Variants in PBLD observed in about 807,000 individuals in gnomAD.
PBLD encodes the protein phenazine biosynthesis like protein domain containing, also known as phenazine biosynthesis-like domain-containing protein.
PBLD carries 26 observed loss-of-function variants against 31.3 expected under a neutral mutation model. The observed-to-expected ratio is 0.83, with a 90% CI of 0.61 to 1.15. The LOEUF (loss-of-function observed/expected upper bound fraction) is 1.15, where lower values mean the gene tolerates loss of function less well. PBLD is among the 50% of genes most tolerant of loss of function. PBLD has a pLI of 0.00. For synonymous variants in PBLD, 114 were observed against 129.0 expected (o/e 0.88, Z 0.79); for missense variants, 307 against 351.7 (o/e 0.87, Z 1.02).
intron 8 of PBLD, chr10:68,288,021 C>T (rs1258120553): frequency 6.5e-6 from 1 of 153,454 alleles, no homozygotes; most frequent in Non-Finnish European, 1.5e-5. Flanking sequence ...CATGCCACTC[C>T]GTTCTAGCCT....
intron 8 of PBLD, among the ~76,000 whole-genome samples, chr10:68,286,651 C>G (rs2044292223): frequency 6.6e-6 from 1 of 152,116 alleles, no homozygotes; most frequent in South Asian, 2.1e-4. Context: ...AAGGCAAACT[C>G]TTCCACCAAG....
Position 68,288,614 on chromosome 10 carries a change from A to C in PBLD, c.560T>G (p.Val187Gly), listed in dbSNP as rs1457230772. The change falls in exon 8 of 10, where the codon GTT becomes GGT. Residue 187 changes from valine (V) to glycine (G), a missense_variant. Val to Gly is a moderately radical substitution (Grantham distance 109, BLOSUM62 -3). Transcript: ENST00000358769. ...CCCTTTCACCTTCCCTGTGTTTTCA[A>C]CTTGCAGCAGATTCTCCGTGTTCAC... ...LKVNTENLLQ[V>G]ENTGKVKGLI... 6.2e-7 allele frequency: 1 copy of C among 1,614,140 alleles called. No homozygotes were observed. Among genetic ancestry groups the C allele is most frequent in the Non-Finnish European group, 8.5e-7 (1 of 1,180,030 alleles).
At chr10:68,320,700 T>G (rs374062201) in intron 1 of PBLD, among the ~76,000 whole-genome samples, 2 of 152,082 alleles carry the variant, frequency 1.3e-5, no homozygotes, top group East Asian at 1.9e-4. Context: ...TTTTTTTTAA[T>G]GGAGATGGGG....
chr10:68,285,781 C>T (rs1345370128), intron 8 of PBLD, among the ~76,000 whole-genome samples: 1 of 151,990 alleles, frequency 6.6e-6, no homozygotes, highest in Non-Finnish European at 1.5e-5. Flanking sequence ...CGTTCTCAAG[C>T]CATCCTCCTA....
intron 2 of PBLD, among the ~76,000 whole-genome samples, chr10:68,305,807 C>T (rs980996301): frequency 4.6e-5 from 7 of 152,052 alleles, no homozygotes; most frequent in Admixed American, 2.0e-4. Context: ...CCCAGAGAGC[C>T]TGTTGTAATT....
intron 1 of PBLD, among the ~76,000 whole-genome samples, chr10:68,319,053 G>GAGAAAGAAAGAAAGAAAGAAAGAA (rs60229423): frequency 2.0e-4 from 20 of 98,892 alleles, no homozygotes; most frequent in East Asian, 3.6e-4. Flanking sequence ...AAGAAAGAGA[G>GAGAAAGAAAGAAAGAAAGAAAGAA]AGAAAGAAAG....
chr10:68,314,484 T>G (rs765874652), intron 1 of PBLD, among the ~76,000 whole-genome samples: 2 of 152,202 alleles, frequency 1.3e-5, no homozygotes, highest in African/African-American at 2.4e-5. Context: ...AATCACCTGA[T>G]AGCTACTAGA....
intron 4 of PBLD, 72 bp downstream of exon 4, chr10:68,296,194 A>G (rs1472935245): frequency 8.9e-7 from 1 of 1,128,808 alleles, no homozygotes; most frequent in Non-Finnish European, 1.3e-6. Flanking sequence ...CATCAGAAAA[A>G]GTGTGTGTGA....
At chr10:68,328,064 G>A (rs2044951782) in intron 1 of PBLD, among the ~76,000 whole-genome samples, 2 of 152,178 alleles carry the variant, frequency 1.3e-5, no homozygotes, top group Non-Finnish European at 2.9e-5. Flanking sequence ...GTGTAATTCA[G>A]TCTTGTCTTG....
intron 4 of PBLD, among the ~76,000 whole-genome samples, chr10:68,292,939 C>T (rs371783434): frequency 6.6e-6 from 1 of 151,954 alleles, no homozygotes; most frequent in African/African-American, 2.4e-5. Context: ...TGGCTCACTG[C>T]AGCCTTGACC....
At chr10:68,313,624 T>C (rs1360635938) in intron 1 of PBLD, among the ~76,000 whole-genome samples, 1 of 152,222 alleles carries the variant, frequency 6.6e-6, no homozygotes, top group African/African-American at 2.4e-5. Flanking sequence ...GATTCTCATA[T>C]TATCATCATG....
intron 2 of PBLD, among the ~76,000 whole-genome samples, chr10:68,299,097 A>G (rs1260406137): frequency 1.1e-5 from 1 of 87,276 alleles, no homozygotes; most frequent in Non-Finnish European, 2.1e-5. Context: ...ACAGAGTGAG[A>G]GTCCGTCTCA....
chr10:68,289,486 C>T (rs1335487173), intron 6 of PBLD, among the ~76,000 whole-genome samples: 2 of 152,022 alleles, frequency 1.3e-5, no homozygotes, highest in African/African-American at 4.8e-5. Context: ...CCAAGAATCA[C>T]TTGGCCGAGA....
chr10:68,299,970 G>C (rs1306440077), intron 2 of PBLD, among the ~76,000 whole-genome samples: 4 of 151,948 alleles, frequency 2.6e-5, no homozygotes, highest in Non-Finnish European at 5.9e-5. Context: ...AGCTCACTGC[G>C]ATCTATGCCT....
intron 1 of PBLD, among the ~76,000 whole-genome samples, chr10:68,318,375 T>TAAA (rs34722771): frequency 0.078 from 3,989 of 51,232 alleles, 533 homozygotes; most frequent in South Asian, 0.26. Context: ...CTGCCTCTAT[T>TAAA]AAAAAAAAAA....
intron 2 of PBLD, among the ~76,000 whole-genome samples, chr10:68,305,875 G>C (rs1270818168): frequency 6.6e-6 from 1 of 152,172 alleles, no homozygotes; most frequent in African/African-American, 2.4e-5. Context: ...TAGCCAGGTT[G>C]AGATTCACTG....
chr10:68,318,355 C>T (rs181235588), intron 1 of PBLD, among the ~76,000 whole-genome samples: 2 of 126,170 alleles, frequency 1.6e-5, no homozygotes, highest in East Asian at 4.7e-4. Flanking sequence ...CTGGGTAACA[C>T]AGCAAGACCC....
At chr10:68,311,463 G>A (rs1307072855) in intron 1 of PBLD, among the ~76,000 whole-genome samples, 1 of 152,140 alleles carries the variant, frequency 6.6e-6, no homozygotes, top group Admixed American at 6.5e-5. Context: ...GCGGGCGCCT[G>A]TAGTCCCAGC....
chr10:68,323,864 G>T (rs2044873079), intron 1 of PBLD, among the ~76,000 whole-genome samples: 1 of 152,034 alleles, frequency 6.6e-6, no homozygotes, highest in South Asian at 2.1e-4. Context: ...AATTTACTTA[G>T]CCTGAGGCCA....
Sources: gnomAD v4.1 joint callset for allele counts (sites outside exome capture counted in the v4.1 genomes callset) on GRCh38, gnomAD v4.1.1 for gene constraint, MANE v1.5 for transcripts, NCBI Gene and HGNC (gene_info 2026-07-23, HGNC 2026-07-21) for gene names.